Variants in ERC2 observed in about 807,000 individuals in gnomAD.
ERC2 encodes the protein ELKS/RAB6-interacting/CAST family member 2.
A neutral mutation model predicts 114.8 loss-of-function variants in ERC2; 42 were observed. The ratio of observed to expected loss-of-function variants is 0.37; its 90% CI spans 0.29 to 0.47. The LOEUF is 0.47. Among genes scored for constraint, ERC2 ranks in the 20% least tolerant of loss-of-function variants. The pLI, the probability that ERC2 is intolerant of heterozygous loss-of-function variation, is 0.99. For missense variants in ERC2, 939 were observed against 1,150.7 expected (o/e 0.82, Z 2.66); for synonymous variants, 454 against 425.5 (o/e 1.07, Z -0.82).
intron 14 of ERC2, among the ~76,000 whole-genome samples, chr3:55,763,740 C>T (rs550631746): frequency 3.8e-4 from 58 of 152,230 alleles, no homozygotes; most frequent in African/African-American, 1.3e-3. Context: ...AAGCCCATTA[C>T]GAAAATTTAA....
intron 17 of ERC2, among the ~76,000 whole-genome samples, chr3:55,527,416 T>C (rs999438023): frequency 1.3e-5 from 2 of 152,156 alleles, no homozygotes; most frequent in African/African-American, 4.8e-5. Flanking sequence ...GTGTTCATAT[T>C]TGCCAGCTCT....
intron 17 of ERC2, among the ~76,000 whole-genome samples, chr3:55,662,377 T>C (rs1262688684): frequency 6.6e-6 from 1 of 152,216 alleles, no homozygotes; most frequent in Non-Finnish European, 1.5e-5. Flanking sequence ...TTCCATGAAA[T>C]ACTTCTGTCG....
chr3:56,054,997 A>C (rs535893343), intron 7 of ERC2, among the ~76,000 whole-genome samples: 1 of 152,336 alleles, frequency 6.6e-6, no homozygotes, highest in African/African-American at 2.4e-5. Flanking sequence ...TCAATATTGC[A>C]ACACTGAGGC....
At chr3:56,396,188 C>G (rs2060299697) in intron 2 of ERC2, among the ~76,000 whole-genome samples, 1 of 152,190 alleles carries the variant, frequency 6.6e-6, no homozygotes, top group Non-Finnish European at 1.5e-5. Flanking sequence ...CTTAGAAATT[C>G]TCTTCTAGGA....
At chr3:55,637,766 G>A (rs912702947) in intron 17 of ERC2, among the ~76,000 whole-genome samples, 3 of 152,070 alleles carry the variant, frequency 2.0e-5, no homozygotes, top group African/African-American at 7.2e-5. Context: ...CTGGCACACT[G>A]TAGGTGTTTA....
intron 3 of ERC2, among the ~76,000 whole-genome samples, chr3:56,282,332 T>C (rs140590755): frequency 1.1e-3 from 172 of 152,000 alleles, no homozygotes; most frequent in African/African-American, 3.9e-3. Flanking sequence ...GAAACCAACA[T>C]ATTAAGAGAA....
At chr3:55,766,856 C>T (rs770840257) in intron 14 of ERC2, 1 of 152,258 alleles carries the variant, frequency 6.6e-6, no homozygotes, top group Non-Finnish European at 1.5e-5. Flanking sequence ...CCTCCTTCAC[C>T]TTCACACCTC....
intron 2 of ERC2, among the ~76,000 whole-genome samples, chr3:56,431,452 G>A (rs2061785054): frequency 1.3e-5 from 2 of 152,182 alleles, no homozygotes; most frequent in South Asian, 2.1e-4. Flanking sequence ...GCATCAGGAT[G>A]CAGAAATCCT....
At chr3:56,045,618 G>A (rs1455723734) in intron 7 of ERC2, among the ~76,000 whole-genome samples, 1 of 152,108 alleles carries the variant, frequency 6.6e-6, no homozygotes, top group Non-Finnish European at 1.5e-5. Context: ...GTAACTTTGA[G>A]CACCTTTAAA....
chr3:56,087,341 A>G (rs1190331003), intron 6 of ERC2, among the ~76,000 whole-genome samples: 1 of 152,170 alleles, frequency 6.6e-6, no homozygotes, highest in Non-Finnish European at 1.5e-5. Flanking sequence ...GAAATTGGCA[A>G]AACGTTGCCA....
chr3:55,782,899 T>C (rs2069173757), intron 14 of ERC2, among the ~76,000 whole-genome samples: 1 of 152,234 alleles, frequency 6.6e-6, no homozygotes, highest in Non-Finnish European at 1.5e-5. Flanking sequence ...GTAGGTTTTA[T>C]TATCACAGTG....
chr3:55,649,525 G>C (rs536152736), intron 17 of ERC2, among the ~76,000 whole-genome samples: 5 of 152,154 alleles, frequency 3.3e-5, no homozygotes, highest in Admixed American at 6.5e-5. Context: ...CTCCCAAAGT[G>C]CTGGGATTAC....
Position 56,299,107 on chromosome 3 carries a change from T to G in ERC2, c.658-2672A>C, listed in dbSNP as rs570982606. Reference sequence around the variant, plus strand: ...TAGATAGGTAGATAGTTTTTTTTTGTTTTTTTTTTTTGTTTTTTTTTTTGT... The same window carrying G: ...TAGATAGGTAGATAGTTTTTTTTTGGTTTTTTTTTTTGTTTTTTTTTTTGT... On this transcript the variant is annotated intron_variant, in intron 2 of 17. Transcript: ENST00000288221. Among the ~76,000 whole-genome samples, 560 of 129,912 alleles carry G rather than the reference T, an allele frequency of 4.3e-3. 2 individuals are homozygous for G. Among genetic ancestry groups the G allele is most frequent in the Admixed American group, 5.5e-3 (70 of 12,770 alleles). 85.2% of individuals were successfully genotyped at this position (129,912 alleles called of 152,430 possible). A position where few individuals can be genotyped will look rare whatever the true frequency, so the allele number is the denominator to read the frequency against.
chr3:56,144,998 C>T (rs932393335), intron 5 of ERC2, among the ~76,000 whole-genome samples: 18 of 152,108 alleles, frequency 1.2e-4, no homozygotes, highest in African/African-American at 3.9e-4. Flanking sequence ...AAAAGCCAAT[C>T]GGAATTACAT....
At chr3:56,032,908 A>AG (rs1401687993) in intron 7 of ERC2, among the ~76,000 whole-genome samples, 145 of 53,656 alleles carry the variant, frequency 2.7e-3, no homozygotes, top group South Asian at 6.0e-3. Flanking sequence ...AGACAGAAAG[A>AG]AAGAAAGAAA....
At chr3:56,249,075 C>T (rs1265669002) in intron 3 of ERC2, among the ~76,000 whole-genome samples, 3 of 152,172 alleles carry the variant, frequency 2.0e-5, no homozygotes, top group Admixed American at 2.0e-4. Flanking sequence ...GAACATGAGG[C>T]CATCAGGCCA....
Position 55,961,023 on chromosome 3 carries a change from A to C in ERC2, c.2268-10463T>G, listed in dbSNP as rs114840681. Among the ~76,000 whole-genome samples the C allele has an allele frequency of 6.2e-3, 946 of 152,342 alleles. 14 individuals carry two copies. Among genetic ancestry groups the C allele is most frequent in the African/African-American group, 0.022 (909 of 41,582 alleles). On this transcript the variant is annotated intron_variant, in intron 12 of 17. Coordinates refer to ENST00000288221, the MANE Select transcript of ERC2 (RefSeq NM_015576.3). Reference sequence around the variant, plus strand: ...GTGGCAGGCACCTATAATCCCAGCTACTCAGGAGGCTGAGCTACTCCGCTG... The same window carrying C: ...GTGGCAGGCACCTATAATCCCAGCTCCTCAGGAGGCTGAGCTACTCCGCTG...
At chr3:55,895,374 C>T (rs1235989729) in intron 13 of ERC2, among the ~76,000 whole-genome samples, 1 of 152,182 alleles carries the variant, frequency 6.6e-6, no homozygotes, top group Non-Finnish European at 1.5e-5. Flanking sequence ...ACTGACCTCT[C>T]TAAGCCTACA....
intron 2 of ERC2, among the ~76,000 whole-genome samples, chr3:56,309,990 G>A (rs1431551705): frequency 6.6e-6 from 1 of 152,132 alleles, no homozygotes; most frequent in East Asian, 1.9e-4. Context: ...GAGAAAAAGG[G>A]AAATAGATGT....
Sources: allele counts gnomAD v4.1 joint callset (sites outside exome capture counted in the v4.1 genomes callset), GRCh38; gene constraint gnomAD v4.1.1; transcripts MANE v1.5; gene names NCBI Gene and HGNC (gene_info 2026-07-23, HGNC 2026-07-21).